The following ARHGAP24 variants were observed in gnomAD, a reference collection of about 807,000 sequenced individuals.
ARHGAP24 encodes the protein Rho GTPase activating protein 24, also known as rho GTPase-activating protein 24.
Under a neutral mutation model 76.4 loss-of-function variants are expected in ARHGAP24, and 50 were observed. That is an observed-to-expected ratio of 0.65 (90% CI 0.52 to 0.83). The LOEUF (loss-of-function observed/expected upper bound fraction) is 0.83. Among genes scored for constraint, ARHGAP24 ranks in the 40% least tolerant of loss-of-function variants. ARHGAP24 has a pLI of 0.00. For synonymous variants in ARHGAP24, 345 were observed against 323.3 expected, an observed-to-expected ratio of 1.07 and a Z score of -0.72; for missense variants, 930 against 914.2, an observed-to-expected ratio of 1.02 and a Z score of -0.22.
intron 3 of ARHGAP24, among the ~76,000 whole-genome samples, chr4:85,735,273 A>G (rs1578183407): frequency 6.6e-6 from 1 of 151,864 alleles, no homozygotes; most frequent in African/African-American, 2.4e-5. Context: ...TAAAAAAAAT[A>G]ATAATCTCTT....
intron 5 of ARHGAP24, among the ~76,000 whole-genome samples, chr4:85,966,258 A>G (rs1178668083): frequency 2.0e-5 from 3 of 152,172 alleles, no homozygotes; most frequent in Non-Finnish European, 2.9e-5. Context: ...TCCAAGTACC[A>G]TTACATTAGG....
chr4:85,581,003 A>G (rs912839280), intron 2 of ARHGAP24, among the ~76,000 whole-genome samples: 1 of 152,160 alleles, frequency 6.6e-6, no homozygotes, highest in Non-Finnish European at 1.5e-5. Flanking sequence ...TATAAATCAA[A>G]TGTACCTACT....
chr4:85,963,894 T>G (rs895610818), intron 5 of ARHGAP24, among the ~76,000 whole-genome samples: 9 of 147,742 alleles, frequency 6.1e-5, no homozygotes, highest in Non-Finnish European at 1.1e-4. Context: ...CTTATATATG[T>G]TTTTTTTCAA....
At chr4:85,509,629 C>T (rs564661569) in intron 1 of ARHGAP24, among the ~76,000 whole-genome samples, 2 of 151,894 alleles carry the variant, frequency 1.3e-5, no homozygotes, top group Non-Finnish European at 2.9e-5. Context: ...TCTGCTATAA[C>T]CTGGTAGCAT....
At chr4:85,939,348 T>C (rs896881775) in intron 4 of ARHGAP24, among the ~76,000 whole-genome samples, 1 of 152,200 alleles carries the variant, frequency 6.6e-6, no homozygotes. Flanking sequence ...AAAGGACTGA[T>C]ATTCAGGAAT....
At chr4:85,476,596 A>G (rs1722609559) in intron 1 of ARHGAP24, among the ~76,000 whole-genome samples, 2 of 152,358 alleles carry the variant, frequency 1.3e-5, no homozygotes, top group Non-Finnish European at 2.9e-5. Context: ...AATTCATTGG[A>G]ATCCAGGGAT....
chr4:85,556,895 G>A (rs1015567556), intron 1 of ARHGAP24, among the ~76,000 whole-genome samples: 2 of 151,610 alleles, frequency 1.3e-5, no homozygotes, highest in African/African-American at 2.4e-5. Flanking sequence ...GAGAGCCCAG[G>A]AGGGGGTCAC....
intron 3 of ARHGAP24, among the ~76,000 whole-genome samples, chr4:85,806,020 T>C (rs1364513933): frequency 1.3e-5 from 2 of 152,202 alleles, no homozygotes; most frequent in Non-Finnish European, 2.9e-5. Context: ...GTCTCTCTCA[T>C]ACATACAGCA....
intron 1 of ARHGAP24, among the ~76,000 whole-genome samples, chr4:85,567,872 G>A (rs1397145769): frequency 3.9e-5 from 6 of 152,056 alleles, no homozygotes; most frequent in Admixed American, 3.3e-4. Context: ...AATAGTTGTG[G>A]CATTTTTTCC....
At chr4:85,697,081 G>A (rs755423511) in intron 2 of ARHGAP24, among the ~76,000 whole-genome samples, 3 of 152,124 alleles carry the variant, frequency 2.0e-5, no homozygotes, top group Non-Finnish European at 2.9e-5. Context: ...CTGGACCAAC[G>A]ATCAGCTAGT....
At chr4:85,535,684 G>C (rs1463535530) in intron 1 of ARHGAP24, among the ~76,000 whole-genome samples, 2 of 152,142 alleles carry the variant, frequency 1.3e-5, no homozygotes, top group African/African-American at 4.8e-5. Context: ...CTAACAAAGA[G>C]ACTACGGTGG....
chr4:85,540,931 G>A (rs1413236548), intron 1 of ARHGAP24, among the ~76,000 whole-genome samples: 3 of 126,598 alleles, frequency 2.4e-5, no homozygotes, highest in Admixed American at 7.2e-5. Flanking sequence ...AAAAGGGAAG[G>A]TTTGTTACTG....
At chr4:85,720,558 T>C (rs78246165) in intron 2 of ARHGAP24, among the ~76,000 whole-genome samples, 20,797 of 152,182 alleles carry the variant, frequency 0.14, 1,887 homozygotes, top group East Asian at 0.36. Flanking sequence ...AATAAGCTTT[T>C]GAATGTATCT....
chr4:85,804,996 G>A (rs10516760), intron 3 of ARHGAP24, among the ~76,000 whole-genome samples: 32,705 of 151,998 alleles, frequency 0.22, 4,672 homozygotes, highest in Non-Finnish European at 0.33. Flanking sequence ...AGTTATATTA[G>A]GTACCATCTT....
At chr4:85,556,451 G>A (rs1194305319) in intron 1 of ARHGAP24, among the ~76,000 whole-genome samples, 1 of 152,154 alleles carries the variant, frequency 6.6e-6, no homozygotes, top group East Asian at 1.9e-4. Flanking sequence ...TATGATAGCT[G>A]CAGCTTGCTG....
intron 2 of ARHGAP24, among the ~76,000 whole-genome samples, chr4:85,638,332 C>T (rs886725378): frequency 3.9e-5 from 6 of 152,134 alleles, no homozygotes; most frequent in Non-Finnish European, 4.4e-5. Context: ...GGTTTTAGTT[C>T]AGCTGTTCCA....
intron 2 of ARHGAP24, among the ~76,000 whole-genome samples, chr4:85,595,538 A>G (rs1444985763): frequency 6.6e-6 from 1 of 152,088 alleles, no homozygotes; most frequent in Non-Finnish European, 1.5e-5. Context: ...TCTCTACCGA[A>G]TTACAAAATC....
chr4:85,979,254 C>CT (rs1237797874), intron 8 of ARHGAP24, among the ~76,000 whole-genome samples: 2 of 152,102 alleles, frequency 1.3e-5, no homozygotes, highest in Non-Finnish European at 2.9e-5. Context: ...ATTCCTAAAG[C>CT]TATTAATTCG....
chr4:85,493,415 A>C (rs1308050411), intron 1 of ARHGAP24, among the ~76,000 whole-genome samples: 6 of 152,208 alleles, frequency 3.9e-5, no homozygotes, highest in African/African-American at 1.4e-4. Context: ...AAATTCTTCT[A>C]CGCGGAAGTT....
Sources: gnomAD v4.1 joint callset for allele counts (sites outside exome capture counted in the v4.1 genomes callset) on GRCh38, gnomAD v4.1.1 for gene constraint, MANE v1.5 for transcripts, NCBI Gene and HGNC (gene_info 2026-07-23, HGNC 2026-07-21) for gene names.